Variants in C7 observed in about 807,000 individuals in gnomAD.
C7 encodes complement component C7.
In C7, 83 loss-of-function variants were observed where a neutral mutation model predicts 104.8. That is an observed-to-expected ratio of 0.79 (90% CI 0.66 to 0.95). The LOEUF is 0.95. Among genes scored for constraint, C7 ranks in the 40% least tolerant of loss-of-function variants. The pLI, the probability that C7 is intolerant of heterozygous loss-of-function variation, is 0.00. For synonymous variants in C7, 415 were observed against 360.6 expected (o/e 1.15, Z -1.71); for missense variants, 1,070 against 1,011.2 (o/e 1.06, Z -0.79).
rs201818141 is a variant in C7 at position 40,981,425 on chromosome 5, C to T, written c.2384C>T (p.Ser795Leu). 2.1e-5 allele frequency: 34 copies of T among 1,613,034 alleles called. No homozygotes were observed. The highest frequency in any genetic ancestry group is 1.3e-4 in the East Asian group (6 of 44,854). Reference protein sequence around the residue: ...ESSKCVCREASECEEEGFSIC... With the variant: ...ESSKCVCREALECEEEGFSIC... Reference sequence around the variant, plus strand: ...AGCAAATGTGTCTGCCGAGAAGCATCGGAGTGCGAGGAAGAAGGGTTTAGC... The same window carrying T: ...AGCAAATGTGTCTGCCGAGAAGCATTGGAGTGCGAGGAAGAAGGGTTTAGC... Residue 795 changes from serine (S) to leucine (L), a missense_variant, in exon 18 of 18, where the codon TCG becomes TTG. Physicochemically the swap from Ser to Leu is moderately radical, Grantham distance 145. Coordinates refer to ENST00000313164, the MANE Select transcript of C7 (RefSeq NM_000587.4).
chr5:40,968,102 C>T (rs1449639969), intron 14 of C7, among the ~76,000 whole-genome samples: 2 of 150,602 alleles, frequency 1.3e-5, no homozygotes, highest in East Asian at 1.9e-4. Flanking sequence ...CATCTTTTCC[C>T]CCTCTGTTTC....
intron 13 of C7, among the ~76,000 whole-genome samples, chr5:40,963,655 T>G (rs1185885618): frequency 6.6e-6 from 1 of 152,020 alleles, no homozygotes; most frequent in Non-Finnish European, 1.5e-5. Flanking sequence ...TTTTTCACCA[T>G]CCCCTTGGGT....
chr5:40,936,181 T>G (rs1362423864), intron 4 of C7, among the ~76,000 whole-genome samples, 157 bp from the exon 5 acceptor site: 1 of 152,190 alleles, frequency 6.6e-6, no homozygotes, highest in Non-Finnish European at 1.5e-5. Context: ...GACAAAATAC[T>G]CACTAGTCCT....
intron 1 of C7, among the ~76,000 whole-genome samples, chr5:40,920,040 TA>T (rs1323246378): frequency 6.6e-6 from 1 of 151,910 alleles, no homozygotes; most frequent in African/African-American, 2.4e-5. Context: ...AAAAGATAGA[TA>T]AAATAAGTTC....
At chr5:40,961,686 C>T (rs1445296057) in intron 12 of C7, among the ~76,000 whole-genome samples, 1 of 152,124 alleles carries the variant, frequency 6.6e-6, no homozygotes, top group African/African-American at 2.4e-5. Flanking sequence ...GCATCTCGTC[C>T]AATACCTTAT....
At chr5:40,953,606 A>G (rs1485240992) in intron 9 of C7, among the ~76,000 whole-genome samples, 2 of 139,450 alleles carry the variant, frequency 1.4e-5, no homozygotes, top group African/African-American at 5.4e-5. Context: ...GTGCCACTGC[A>G]CTGCAGCCTA....
rs1356665787 is a variant in C7 at position 40,964,270 on chromosome 5, T to A, written c.1750-471T>A. On this transcript the variant is annotated intron_variant, in intron 13 of 17. Transcript: ENST00000313164. ...GTTGGCCAGGCTGGTCTCGAACTCC[T>A]GATCTCAGGTGATCCACCTGCCTTG... 2.6e-5 allele frequency among the ~76,000 whole-genome samples: 4 copies of A among 151,960 alleles called. No homozygotes were observed. In the East Asian group the frequency reaches 5.8e-4, roughly 22 times the overall value.
chr5:40,927,891 G>C (rs1579843093), intron 1 of C7, among the ~76,000 whole-genome samples: 1 of 151,988 alleles, frequency 6.6e-6, no homozygotes. Context: ...CTGCATGGAG[G>C]TTTGTCATAA....
chr5:40,915,319 G>A (rs1187214188), intron 1 of C7, among the ~76,000 whole-genome samples: 1 of 152,116 alleles, frequency 6.6e-6, no homozygotes, highest in Admixed American at 6.6e-5. Context: ...TGGGGAGGTG[G>A]GGAAGAGGAG....
At chr5:40,961,306 TG>T (rs1366900546) in intron 12 of C7, among the ~76,000 whole-genome samples, 7 of 152,216 alleles carry the variant, frequency 4.6e-5, no homozygotes, top group Non-Finnish European at 8.8e-5. Context: ...CCATGGTGCC[TG>T]ACACATAGTA....
intron 14 of C7, among the ~76,000 whole-genome samples, chr5:40,968,600 ATTTTTTTTTTTTTT>A (rs70988826): frequency 2.4e-4 from 6 of 25,470 alleles, no homozygotes; most frequent in South Asian, 2.4e-3. Context: ...ATATATATAT[ATTTTTTTTTTTTTT>A]TTTTTTTTTT....
At chr5:40,958,506 T>A (rs1183783224) in intron 11 of C7, among the ~76,000 whole-genome samples, 6 of 152,222 alleles carry the variant, frequency 3.9e-5, no homozygotes, top group Non-Finnish European at 8.8e-5. Flanking sequence ...TCTATTAGAA[T>A]AGAGTTATGA....
intron 2 of C7, 55 bp from the exon 3 acceptor site, chr5:40,931,009 T>C (rs1382463760): frequency 9.2e-6 from 11 of 1,190,414 alleles, no homozygotes; most frequent in Non-Finnish European, 1.4e-5. Context: ...ATTCTTTGTG[T>C]TCCCTTGCGT....
At chr5:40,954,664 AC>A (rs1292737901) in intron 9 of C7, among the ~76,000 whole-genome samples, 1 of 151,848 alleles carries the variant, frequency 6.6e-6, no homozygotes, top group Non-Finnish European at 1.5e-5. Context: ...CAGGCAGATG[AC>A]TTGAGGCCAG....
rs763424750 is a variant in C7 at position 40,937,573 on chromosome 5, G to A, written c.450G>A (p.Gln150=). 6.2e-7 allele frequency: 1 copy of A among 1,611,414 alleles called. No individual in the cohort carries two copies. The highest frequency in any genetic ancestry group is 1.1e-5 in the South Asian group (1 of 90,550). The change falls in exon 6 of 18, where the codon CAG becomes CAA. Residue 150 remains glutamine (Q), a synonymous_variant. Coordinates refer to ENST00000313164, the MANE Select transcript of C7 (RefSeq NM_000587.4). The part of the protein sequence containing the change: ...TGNGYNELTG[Q]FRNRVINTKS... Reference sequence around the variant, plus strand: ...ACAGTTACAATGAACTCACTGGCCAGTTTAGGAACAGAGTCATCAATACCA... The same window carrying A: ...ACAGTTACAATGAACTCACTGGCCAATTTAGGAACAGAGTCATCAATACCA...
chr5:40,924,578 C>A (rs1016327036), intron 1 of C7, among the ~76,000 whole-genome samples: 3 of 152,202 alleles, frequency 2.0e-5, no homozygotes, highest in African/African-American at 7.2e-5. Flanking sequence ...CCCTTTACAG[C>A]CCTTGTAGAG....
At chr5:40,947,496 T>G in intron 7 of C7, 106 bp from the exon 8 acceptor site, 2 of 1,247,848 alleles carry the variant, frequency 1.6e-6, no homozygotes, top group Non-Finnish European at 2.3e-6. Context: ...CTTGTAGTCT[T>G]GGTTGATTGG....
At chr5:40,912,112 C>T (rs942563832) in intron 1 of C7, among the ~76,000 whole-genome samples, 5 of 152,082 alleles carry the variant, frequency 3.3e-5, no homozygotes, top group African/African-American at 1.2e-4. Flanking sequence ...CTATCACTGT[C>T]ATTCACATGA....
At position 40,971,113 on chromosome 5, in the gene C7, G is replaced by A. The variant is rs377588360; in HGVS notation, c.1883-1290G>A. ...TGGGTATATACCCAGTAACGGGATT[G>A]CTGGGTCAAATGGTATTTCTGGTTC... On this transcript the variant is annotated intron_variant, in intron 14 of 17. Transcript: ENST00000313164. 1.5e-3 allele frequency among the ~76,000 whole-genome samples: 228 copies of A among 152,258 alleles called. 2 individuals are homozygous for A. The highest frequency in any genetic ancestry group is 5.3e-3 in the African/African-American group (220 of 41,532).
Sources: gnomAD v4.1 joint callset for allele counts (sites outside exome capture counted in the v4.1 genomes callset) on GRCh38, gnomAD v4.1.1 for gene constraint, MANE v1.5 for transcripts, NCBI Gene and HGNC (gene_info 2026-07-23, HGNC 2026-07-21) for gene names.